The following BACH2 variants were observed in gnomAD, a reference collection of about 807,000 sequenced individuals.
BACH2 encodes the protein BACH transcriptional regulator 2.
Under a neutral mutation model 61.8 loss-of-function variants are expected in BACH2, and 5 were observed. The observed-to-expected ratio is 0.08, with a 90% CI of 0.04 to 0.17. BACH2 has a LOEUF of 0.17. BACH2 is among the 10% of genes least tolerant of loss of function. The pLI, the probability that BACH2 is intolerant of heterozygous loss-of-function variation, is 1.00. For synonymous variants in BACH2, 446 were observed against 440.1 expected, an observed-to-expected ratio of 1.01 and a Z score of -0.17; for missense variants, 824 against 1,091.1, an observed-to-expected ratio of 0.76 and a Z score of 3.45.
intron 5 of BACH2, among the ~76,000 whole-genome samples, chr6:90,079,240 A>G (rs6650990): frequency 0.43 from 65,790 of 152,038 alleles, 17,328 homozygotes; most frequent in East Asian, 0.82. Flanking sequence ...TCTACAGAAG[A>G]TACTACAGGG....
intron 6 of BACH2, among the ~76,000 whole-genome samples, chr6:89,976,870 A>G (rs1353355765): frequency 6.6e-6 from 1 of 152,174 alleles, no homozygotes; most frequent in Non-Finnish European, 1.5e-5. Flanking sequence ...AAATAGCAAA[A>G]AGCAAATTTA....
chr6:90,146,724 G>A (rs1173545450), intron 4 of BACH2, among the ~76,000 whole-genome samples: 1 of 152,100 alleles, frequency 6.6e-6, no homozygotes, highest in Admixed American at 6.6e-5. Context: ...TCTCTTTGTT[G>A]TTTCTTAAGC....
At chr6:90,070,343 A>G (rs954226364) in intron 5 of BACH2, among the ~76,000 whole-genome samples, 4 of 152,176 alleles carry the variant, frequency 2.6e-5, no homozygotes, top group Non-Finnish European at 4.4e-5. Context: ...CAGGAAGCAC[A>G]TGGACTGGGA....
chr6:90,265,271 T>C (rs1771287081), intron 2 of BACH2, among the ~76,000 whole-genome samples: 1 of 152,188 alleles, frequency 6.6e-6, no homozygotes, highest in South Asian at 2.1e-4. Context: ...TATAAAATCC[T>C]TCCCATTTGC....
intron 7 of BACH2, among the ~76,000 whole-genome samples, chr6:89,942,977 A>C (rs1219284264): frequency 6.6e-6 from 1 of 152,050 alleles, no homozygotes; most frequent in East Asian, 1.9e-4. Flanking sequence ...TTCCAGCTTT[A>C]CACATTTTTT....
chr6:90,184,544 G>A (rs993881093), intron 4 of BACH2, among the ~76,000 whole-genome samples: 3 of 152,186 alleles, frequency 2.0e-5, no homozygotes, highest in Admixed American at 6.5e-5. Flanking sequence ...TGCTCCACAA[G>A]AAACAGAAGT....
At chr6:90,025,770 A>G (rs1021690056) in intron 5 of BACH2, among the ~76,000 whole-genome samples, 4 of 152,224 alleles carry the variant, frequency 2.6e-5, no homozygotes, top group Admixed American at 2.6e-4. Flanking sequence ...ATAAGGGTTA[A>G]TACTAAAAGA....
chr6:89,934,958 C>T (rs546039600), intron 8 of BACH2, among the ~76,000 whole-genome samples: 60 of 152,124 alleles, frequency 3.9e-4, no homozygotes, highest in African/African-American at 1.3e-3. Context: ...AGATTTACAC[C>T]GGGAAAGGGC....
intron 6 of BACH2, among the ~76,000 whole-genome samples, chr6:89,990,478 A>C (rs1027110581): frequency 6.6e-6 from 1 of 151,384 alleles, no homozygotes; most frequent in East Asian, 1.9e-4. Flanking sequence ...CTCCTCTCCC[A>C]GACACTTTTC....
intron 7 of BACH2, among the ~76,000 whole-genome samples, chr6:89,945,260 C>G (rs1364449905): frequency 6.6e-6 from 1 of 152,164 alleles, no homozygotes; most frequent in East Asian, 1.9e-4. Flanking sequence ...AAAGTGGAAA[C>G]AACCCACATG....
At chr6:89,939,823 ATTTTTTTTTTTTT>A in intron 7 of BACH2, among the ~76,000 whole-genome samples, 1 of 91,374 alleles carries the variant, frequency 1.1e-5, no homozygotes, top group South Asian at 4.6e-4. Flanking sequence ...AGTTAATTAA[ATTTTTTTTTTTTT>A]TTTTTTTTTG....
chr6:90,155,710 A>T (rs1425486713), intron 4 of BACH2, among the ~76,000 whole-genome samples: 2 of 152,048 alleles, frequency 1.3e-5, no homozygotes, highest in Admixed American at 6.5e-5. Flanking sequence ...CTGTTTTTAA[A>T]TTTTTTTCCT....
chr6:90,140,310 T>C (rs1784420444), intron 4 of BACH2, among the ~76,000 whole-genome samples: 2 of 152,184 alleles, frequency 1.3e-5, no homozygotes, highest in African/African-American at 4.8e-5. Context: ...AGAAGAAAGC[T>C]ACTTGGTGTC....
chr6:90,055,349 G>A (rs889222407), intron 5 of BACH2, among the ~76,000 whole-genome samples: 3 of 152,114 alleles, frequency 2.0e-5, no homozygotes, highest in Non-Finnish European at 2.9e-5. Flanking sequence ...TAGCCGATTC[G>A]ATCAACTGGA....
chr6:90,069,181 T>C (rs1781106761), intron 5 of BACH2, among the ~76,000 whole-genome samples: 1 of 152,202 alleles, frequency 6.6e-6, no homozygotes, highest in African/African-American at 2.4e-5. Context: ...TTCACTTCAG[T>C]ATCTGCCCCA....
At chr6:90,193,385 T>C (rs1231099370) in intron 4 of BACH2, among the ~76,000 whole-genome samples, 2 of 152,092 alleles carry the variant, frequency 1.3e-5, no homozygotes, top group Non-Finnish European at 2.9e-5. Flanking sequence ...GGGAAGATGA[T>C]GTGAAGAGAC....
At chr6:90,172,717 T>A (rs574441539) in intron 4 of BACH2, among the ~76,000 whole-genome samples, 2 of 152,260 alleles carry the variant, frequency 1.3e-5, no homozygotes, top group East Asian at 3.9e-4. Flanking sequence ...GAAAGTTTAC[T>A]TCCAAAAACA....
At chr6:90,180,926 G>A (rs1486991021) in intron 4 of BACH2, among the ~76,000 whole-genome samples, 3 of 151,820 alleles carry the variant, frequency 2.0e-5, no homozygotes, top group Non-Finnish European at 4.4e-5. Context: ...TCATCTGATG[G>A]GCACTTAGGT....
chr6:90,222,484 C>G (rs1166885705), intron 3 of BACH2, among the ~76,000 whole-genome samples: 1 of 152,138 alleles, frequency 6.6e-6, no homozygotes, highest in Non-Finnish European at 1.5e-5. Context: ...TGTGAGGGAT[C>G]AAGTGAAGGA....
Sources: gnomAD v4.1 joint callset for allele counts (sites outside exome capture counted in the v4.1 genomes callset) on GRCh38, gnomAD v4.1.1 for gene constraint, MANE v1.5 for transcripts, NCBI Gene and HGNC (gene_info 2026-07-23, HGNC 2026-07-21) for gene names.